Variants in ZNF229 observed in about 807,000 individuals in gnomAD.
The protein encoded by ZNF229 is zinc finger protein 229.
In ZNF229, 10 loss-of-function variants were observed where a neutral mutation model predicts 11.8. The observed-to-expected ratio is 0.85, with a 90% CI of 0.52 to 1.44. The LOEUF (loss-of-function observed/expected upper bound fraction) is 1.44. Ranked by LOEUF, ZNF229 falls within the 40% of genes most tolerant of loss-of-function variation. The pLI is 0.00. For synonymous variants in ZNF229, 368 were observed against 374.8 expected, an observed-to-expected ratio of 0.98 and a Z score of 0.21; for missense variants, 1,045 against 1,015.1, an observed-to-expected ratio of 1.03 and a Z score of -0.40.
chr19:44,448,043 G>C (rs1972033116), intron 1 of ZNF229, among the ~76,000 whole-genome samples: 1 of 152,150 alleles, frequency 6.6e-6, no homozygotes, highest in Non-Finnish European at 1.5e-5. Flanking sequence ...AGAACACAGG[G>C]AATCAACTTC....
chr19:44,447,726 T>C (rs1475297683), intron 1 of ZNF229, 126 bp from the exon 2 acceptor site: 4 of 152,184 alleles, frequency 2.6e-5, no homozygotes, highest in Non-Finnish European at 5.9e-5. Flanking sequence ...CCTCGCTACT[T>C]GCTTCAGGAG....
intron 2 of ZNF229, among the ~76,000 whole-genome samples, chr19:44,445,978 C>T (rs545691801): frequency 6.6e-6 from 1 of 152,124 alleles, no homozygotes; most frequent in Admixed American, 6.5e-5. Context: ...GTGAACAGGG[C>T]AGACAACGAC....
chr19:44,435,711 A>G (rs1451566974), intron 4 of ZNF229, among the ~76,000 whole-genome samples: 1 of 152,232 alleles, frequency 6.6e-6, no homozygotes, highest in Admixed American at 6.5e-5. Flanking sequence ...CAATGTTTAC[A>G]GAGGCAAATG....
Position 44,442,877 on chromosome 19 carries a change from G to C in ZNF229, c.-30C>G. 1 of 1,606,426 alleles carries C rather than the reference G, an allele frequency of 6.2e-7. No individual in the cohort carries two copies. Among genetic ancestry groups the C allele is most frequent in the Non-Finnish European group, 8.5e-7 (1 of 1,175,386 alleles). ...TCTTCTGCTAGGTTCTCTGCGAGCA[G>C]CAGCAACTGTATTTATTCTCTGGTT... On this transcript the variant is annotated 5_prime_UTR_variant, in exon 3 of 6. Coordinates refer to ENST00000614049, the MANE Select transcript of ZNF229 (RefSeq NM_014518.4).
Position 44,442,551 on chromosome 19 carries a change from A to G in ZNF229, c.93+12T>C. On this transcript the variant is annotated intron_variant, in intron 4 of 5. Coordinates refer to ENST00000614049, the MANE Select transcript of ZNF229 (RefSeq NM_014518.4). ...AAGGTGGTATTTCGGGAGAGAAAAGAAAACAACCCACCTGAGACATGATCT... is the reference window on the plus strand; with the variant it reads ...AAGGTGGTATTTCGGGAGAGAAAAGGAAACAACCCACCTGAGACATGATCT... The G allele has an allele frequency of 6.2e-7, 1 of 1,613,858 alleles. No individual in the cohort carries two copies. Among genetic ancestry groups the G allele is most frequent in the East Asian group, 2.2e-5 (1 of 44,880 alleles).
intron 4 of ZNF229, among the ~76,000 whole-genome samples, chr19:44,437,888 G>A (rs577888507): frequency 8.5e-5 from 13 of 152,308 alleles, no homozygotes; most frequent in East Asian, 7.7e-4. Flanking sequence ...AATACTGCAC[G>A]TTCTCACTTA....
intron 2 of ZNF229, among the ~76,000 whole-genome samples, chr19:44,443,293 C>T (rs747035069): frequency 2.6e-5 from 4 of 152,112 alleles, no homozygotes; most frequent in Non-Finnish European, 5.9e-5. Flanking sequence ...AGAGAGACCC[C>T]ACAAATATAT....
chr19:44,442,758 C>T (rs976477580), intron 3 of ZNF229, 56 bp downstream of exon 3: 8 of 1,610,168 alleles, frequency 5.0e-6, no homozygotes, highest in Non-Finnish European at 4.2e-6. Context: ...CCAACTTTTT[C>T]TCCTCCACAC....
At chr19:44,440,469 C>T (rs756095795) in intron 4 of ZNF229, among the ~76,000 whole-genome samples, 11 of 151,754 alleles carry the variant, frequency 7.2e-5, no homozygotes, top group Non-Finnish European at 1.5e-4. Flanking sequence ...AATTAATGCC[C>T]GAGAGAACAG....
Position 44,429,404 on chromosome 19 carries a change from C to T in ZNF229, c.1377G>A (p.Lys459=). 6.2e-7 allele frequency: 1 copy of T among 1,613,978 alleles called. No homozygotes were observed. Among genetic ancestry groups the T allele is most frequent in the Non-Finnish European group, 8.5e-7 (1 of 1,180,014 alleles). Residue 459 remains lysine, a synonymous_variant, in exon 6 of 6, where the codon AAG becomes AAA. Transcript: ENST00000614049. ...HKHQHIHPGE[K]PYSCGECGKG... ...TTCCACACTCGCCACAGCTGTAGGG[C>T]TTTTCTCCAGGGTGAATGTGCTGGT...
Position 44,429,745 on chromosome 19 carries a change from C to T in ZNF229, c.1036G>A (p.Asp346Asn), listed in dbSNP as rs376296465. ...CAGACATCACATCTATAGGGCATGT[C>T]TCCCACAGGGGCTCTGGGGTGGTTA... ...IRNHPRAPVG[D>N]MPYRCDVCGK... Residue 346 changes from aspartate to asparagine, a missense_variant, in exon 6 of 6, where the codon GAC becomes AAC. By Grantham distance (23) the Asp-to-Asn change is conservative. Transcript: ENST00000614049. 1 of 1,614,116 alleles carries T rather than the reference C, an allele frequency of 6.2e-7. No homozygotes were observed. The highest frequency in any genetic ancestry group is 1.7e-5 in the Admixed American group (1 of 60,030).
chr19:44,433,673 G>A (rs117282069), intron 4 of ZNF229, among the ~76,000 whole-genome samples: 2,467 of 152,126 alleles, frequency 0.016, 50 homozygotes, highest in Non-Finnish European at 0.019. Context: ...AAATGCCAGC[G>A]CAATGCTTCC....
intron 2 of ZNF229, among the ~76,000 whole-genome samples, chr19:44,445,543 C>T (rs1971989035): frequency 6.6e-6 from 1 of 152,154 alleles, no homozygotes. Flanking sequence ...TTGCCTTTTT[C>T]ATCAGATGCC....
chr19:44,435,953 AAG>A (rs1971805632), intron 4 of ZNF229, among the ~76,000 whole-genome samples: 2 of 152,214 alleles, frequency 1.3e-5, no homozygotes, highest in Non-Finnish European at 2.9e-5. Context: ...TCTTTCCCAA[AAG>A]CAGGAAACAA....
At chr19:44,438,170 T>G (rs1971846786) in intron 4 of ZNF229, among the ~76,000 whole-genome samples, 1 of 152,192 alleles carries the variant, frequency 6.6e-6, no homozygotes, top group Non-Finnish European at 1.5e-5. Context: ...TTTTGATAAG[T>G]GTTTAGAAGG....
intron 2 of ZNF229, 87 bp from the exon 3 acceptor site, chr19:44,443,111 T>A (rs971579366): frequency 5.4e-6 from 3 of 552,166 alleles, no homozygotes; most frequent in African/African-American, 1.9e-5. Flanking sequence ...ATTCATTCAG[T>A]AGTTTACAGG....
In ZNF229 at chr19:44,442,798, C is replaced by CCCCCAAAAAAAG; in HGVS notation, c.34+15_34+16insCTTTTTTTGGGG. ...TTTGGATTCTCCCCCCACCCACCCC[C>CCCCCAAAAAAAG]TCTATTAGCTGTCACCTCTTTTCTC... On this transcript the variant is annotated intron_variant, in intron 3 of 5. Transcript: ENST00000614049. 6.3e-7 allele frequency: 1 copy of CCCCCAAAAAAAG among 1,587,038 alleles called. No individual in the cohort carries two copies. The highest frequency in any genetic ancestry group is 8.7e-7 in the Non-Finnish European group (1 of 1,155,640).
chr19:44,447,412 G>A (rs953596314), intron 2 of ZNF229, 101 bp downstream of exon 2: 1 of 152,152 alleles, frequency 6.6e-6, no homozygotes, highest in African/African-American at 2.4e-5. Context: ...AGGCAGGTGT[G>A]GCTAAGGGGT....
Position 44,426,877 on chromosome 19 carries a change from C to T in ZNF229, c.*1426G>A, listed in dbSNP as rs752751844. ...ACCAATAAGTACATAAGACTTATTA[C>T]GTCCATTTTTGCACTGCTATAAAGA... On this transcript the variant is annotated 3_prime_UTR_variant, in exon 6 of 6. Coordinates refer to ENST00000614049, the MANE Select transcript of ZNF229 (RefSeq NM_014518.4). 26 of 152,074 alleles carry T rather than the reference C, an allele frequency of 1.7e-4. No homozygotes were observed. The highest frequency in any genetic ancestry group is 3.1e-4 in the African/African-American group (13 of 41,386). The allele number at this position is 152,074 out of a possible 1,614,324, so 9.4% of individuals were successfully genotyped here.
Sources: allele counts gnomAD v4.1 joint callset (sites outside exome capture counted in the v4.1 genomes callset), GRCh38; gene constraint gnomAD v4.1.1; transcripts MANE v1.5; gene names NCBI Gene and HGNC (gene_info 2026-07-23, HGNC 2026-07-21).